HORMAD2: variants seen among roughly 807,000 people sequenced by gnomAD.
HORMAD2 encodes HORMA domain containing 2.
Under a neutral mutation model 38.8 loss-of-function variants are expected in HORMAD2, and 45 were observed. That is an observed-to-expected ratio of 1.16 (90% CI 0.91 to 1.49). HORMAD2 has a LOEUF of 1.49. Ranked by LOEUF, HORMAD2 falls within the 40% of genes most tolerant of loss-of-function variation. The pLI is 0.00. For synonymous variants in HORMAD2, 126 were observed against 122.8 expected, an observed-to-expected ratio of 1.03 and a Z score of -0.17; for missense variants, 338 against 367.0, an observed-to-expected ratio of 0.92 and a Z score of 0.65.
the HORMAD2 span, among the ~76,000 whole-genome samples, chr22:30,205,256 A>T: frequency 6.6e-6 from 1 of 152,056 alleles, no homozygotes; most frequent in Non-Finnish European, 1.5e-5. Context: ...AAGGTCACGG[A>T]GCCAGCAAGG....
the HORMAD2 span, among the ~76,000 whole-genome samples, chr22:30,191,186 A>G: frequency 3.3e-5 from 5 of 152,070 alleles, no homozygotes; most frequent in Non-Finnish European, 5.9e-5. Flanking sequence ...GAAGAAGCCA[A>G]CTCCAGACAG....
chr22:30,084,579 A>G (rs2068537768), intron 1 of HORMAD2, among the ~76,000 whole-genome samples: 1 of 152,118 alleles, frequency 6.6e-6, no homozygotes, highest in Admixed American at 6.5e-5. Flanking sequence ...CCTTGTTCCT[A>G]TAGTTCTTCT....
At chr22:30,173,597 A>C (rs1926251561) in intron 10 of HORMAD2, among the ~76,000 whole-genome samples, 1 of 152,206 alleles carries the variant, frequency 6.6e-6, no homozygotes, top group African/African-American at 2.4e-5. Context: ...ATTTGGGCAG[A>C]CTGCACTTGA....
chr22:30,115,512 A>G (rs1183964901), intron 7 of HORMAD2, among the ~76,000 whole-genome samples: 1 of 152,168 alleles, frequency 6.6e-6, no homozygotes, highest in Non-Finnish European at 1.5e-5. Context: ...AAATCGTTGT[A>G]GGATGAAATC....
At chr22:30,135,213 A>G (rs1923571634) in intron 10 of HORMAD2, among the ~76,000 whole-genome samples, 1 of 152,086 alleles carries the variant, frequency 6.6e-6, no homozygotes, top group South Asian at 2.1e-4. Context: ...TGAAAGAGTA[A>G]TGTAAGAGTT....
At chr22:30,119,663 G>A (rs950216123) in intron 8 of HORMAD2, among the ~76,000 whole-genome samples, 5 of 152,198 alleles carry the variant, frequency 3.3e-5, no homozygotes, top group African/African-American at 1.2e-4. Context: ...GGGATGGAGA[G>A]CTAAGTATTG....
At chr22:30,109,394 T>G (rs943983585) in intron 5 of HORMAD2, among the ~76,000 whole-genome samples, 1 of 152,038 alleles carries the variant, frequency 6.6e-6, no homozygotes, top group African/African-American at 2.4e-5. Flanking sequence ...CACAGCTCAC[T>G]GCAGCCTCAA....
At chr22:30,200,969 C>T in the HORMAD2 span, among the ~76,000 whole-genome samples, 2 of 152,012 alleles carry the variant, frequency 1.3e-5, no homozygotes, top group Non-Finnish European at 2.9e-5. Flanking sequence ...AGGCTGATCT[C>T]GAACTCCTGA....
At chr22:30,172,929 G>A (rs939618542) in intron 10 of HORMAD2, among the ~76,000 whole-genome samples, 3 of 151,962 alleles carry the variant, frequency 2.0e-5, no homozygotes, top group Non-Finnish European at 4.4e-5. Flanking sequence ...AGTTTACACT[G>A]TGGATGGGAA....
intron 10 of HORMAD2, among the ~76,000 whole-genome samples, chr22:30,160,001 A>C (rs2146213563): frequency 6.6e-6 from 1 of 152,198 alleles, no homozygotes; most frequent in South Asian, 2.1e-4. Context: ...GCTGACATGA[A>C]GTCCCTCTCT....
chr22:30,171,809 T>A (rs1018946010), intron 10 of HORMAD2, among the ~76,000 whole-genome samples: 1 of 152,140 alleles, frequency 6.6e-6, no homozygotes, highest in African/African-American at 2.4e-5. Flanking sequence ...ATAATTTTTT[T>A]AATCTGGGAT....
intron 5 of HORMAD2, among the ~76,000 whole-genome samples, chr22:30,111,297 C>A (rs1921632931): frequency 6.6e-6 from 1 of 151,986 alleles, no homozygotes; most frequent in Non-Finnish European, 1.5e-5. Context: ...ACCAGCCTAG[C>A]CAACATGGCA....
At chr22:30,124,418 C>T (rs1285108421) in intron 10 of HORMAD2, among the ~76,000 whole-genome samples, 2 of 152,052 alleles carry the variant, frequency 1.3e-5, no homozygotes, top group Non-Finnish European at 2.9e-5. Context: ...TCCATATGTC[C>T]TCCATTTAGG....
chr22:30,093,707 C>A (rs2068732501), intron 1 of HORMAD2, among the ~76,000 whole-genome samples: 1 of 152,106 alleles, frequency 6.6e-6, no homozygotes, highest in South Asian at 2.1e-4. Flanking sequence ...ATAGAATTAT[C>A]TTAGCATTCA....
At chr22:30,139,264 A>C (rs896453254) in intron 10 of HORMAD2, among the ~76,000 whole-genome samples, 4 of 127,104 alleles carry the variant, frequency 3.1e-5, no homozygotes, top group African/African-American at 1.1e-4. Context: ...CTATATATAT[A>C]TATATATATA....
chr22:30,206,648 A>G, the HORMAD2 span, among the ~76,000 whole-genome samples: 2 of 150,628 alleles, frequency 1.3e-5, no homozygotes, highest in Non-Finnish European at 2.9e-5. Flanking sequence ...TCCCCAGCTA[A>G]TATTTTTCCT....
chr22:30,191,722 A>G, the HORMAD2 span, among the ~76,000 whole-genome samples: 1 of 152,234 alleles, frequency 6.6e-6, no homozygotes, highest in East Asian at 1.9e-4. Flanking sequence ...CCTACTGGAA[A>G]TCTTTTGTAA....
rs752295083 is a variant in HORMAD2 at position 30,098,892 on chromosome 22, C to T, written c.92C>T (p.Ser31Leu). The T allele has an allele frequency of 6.2e-7, 1 of 1,613,454 alleles. No individual in the cohort carries two copies. Among genetic ancestry groups the T allele is most frequent in the South Asian group, 1.1e-5 (1 of 91,036 alleles). ...FPSQITNEHE[S>L]LKMVKKLFAT... ...TCCCAAATCACTAATGAGCATGAGT[C>T]ATTGAAAATGGTGAAGAAACTTTTT... The change falls in exon 3 of 11, where the codon TCA (serine) becomes TTA (leucine). Residue 31 changes from serine (S) to leucine (L), a missense_variant. Coordinates refer to ENST00000336726, the MANE Select transcript of HORMAD2 (RefSeq NM_152510.4).
At chr22:30,187,727 C>T in the HORMAD2 span, among the ~76,000 whole-genome samples, 729 of 152,132 alleles carry the variant, frequency 4.8e-3, 8 homozygotes, top group African/African-American at 0.017. Flanking sequence ...GCATTTTTTC[C>T]CCAAGCCAAA....
Sources: gnomAD v4.1 joint callset for allele counts (sites outside exome capture counted in the v4.1 genomes callset) on GRCh38, gnomAD v4.1.1 for gene constraint, MANE v1.5 for transcripts, NCBI Gene and HGNC (gene_info 2026-07-23, HGNC 2026-07-21) for gene names.